Variants in CROT observed in about 807,000 individuals in gnomAD.
The protein encoded by CROT is peroxisomal carnitine O-octanoyltransferase.
CROT carries 84 observed loss-of-function variants against 89.2 expected under a neutral mutation model. That is an observed-to-expected ratio of 0.94 (90% CI 0.79 to 1.13). The LOEUF is 1.13. Among genes scored for constraint, CROT ranks in the 50% most tolerant of loss-of-function variants. The pLI is 0.00. For synonymous variants in CROT, 212 were observed against 239.5 expected (o/e 0.89, Z 1.06); for missense variants, 711 against 727.8 (o/e 0.98, Z 0.27).
chr7:87,375,508 A>T, intron 7 of CROT, 124 bp from the exon 8 acceptor site: 1 of 614,544 alleles, frequency 1.6e-6, no homozygotes, highest in Non-Finnish European at 2.8e-6. Context: ...TTGGCATCAT[A>T]AGTGGTTTCT....
intron 10 of CROT, among the ~76,000 whole-genome samples, chr7:87,379,184 TA>T (rs1431061915): frequency 1.3e-5 from 2 of 152,318 alleles, no homozygotes; most frequent in Non-Finnish European, 2.9e-5. Flanking sequence ...TGCAGTTGGT[TA>T]CCCTCTGCAT....
intron 4 of CROT, among the ~76,000 whole-genome samples, chr7:87,360,431 C>G (rs1223729555): frequency 2.0e-5 from 3 of 152,142 alleles, no homozygotes; most frequent in Non-Finnish European, 4.4e-5. Flanking sequence ...ACCTCTGCCT[C>G]CTGGGTTCAA....
chr7:87,361,986 TA>T, intron 6 of CROT, 134 bp downstream of exon 6: 1 of 744,496 alleles, frequency 1.3e-6, no homozygotes, highest in Non-Finnish European at 2.0e-6. Context: ...CTGTGAGCCT[TA>T]TATTTGAATC....
At chr7:87,390,500 A>C (rs1285469956) in intron 13 of CROT, among the ~76,000 whole-genome samples, 1 of 152,180 alleles carries the variant, frequency 6.6e-6, no homozygotes, top group African/African-American at 2.4e-5. Flanking sequence ...CTTTGAAGGG[A>C]TACCATTTCA....
chr7:87,363,843 G>T (rs1231170647), intron 6 of CROT, among the ~76,000 whole-genome samples: 2 of 152,194 alleles, frequency 1.3e-5, no homozygotes, highest in African/African-American at 4.8e-5. Context: ...ATAATGGCTT[G>T]TACTAGGATT....
chr7:87,368,210 C>T (rs1302187014), intron 6 of CROT, among the ~76,000 whole-genome samples: 2 of 152,210 alleles, frequency 1.3e-5, no homozygotes, highest in East Asian at 1.9e-4. Context: ...GGCGTACTTT[C>T]TCACTCCATT....
At chr7:87,398,408 C>G in intron 17 of CROT, 116 bp from the exon 18 acceptor site, 1 of 1,284,080 alleles carries the variant, frequency 7.8e-7, no homozygotes, top group South Asian at 1.2e-5. Context: ...TACCTAATGT[C>G]AGCAAGACTT....
intron 17 of CROT, among the ~76,000 whole-genome samples, chr7:87,394,695 A>G (rs1248097146): frequency 3.9e-5 from 6 of 152,158 alleles, no homozygotes; most frequent in Admixed American, 3.9e-4. Flanking sequence ...ATAGCAAAAA[A>G]AATGCCTTTC....
chr7:87,398,492 T>C, intron 17 of CROT, 32 bp from the exon 18 acceptor site: 1 of 1,611,698 alleles, frequency 6.2e-7, no homozygotes, highest in Non-Finnish European at 8.5e-7. Context: ...GAGCCTTTTG[T>C]GTAATCATTA....
chr7:87,371,665 C>G (rs1174431899), intron 7 of CROT, among the ~76,000 whole-genome samples: 1 of 152,098 alleles, frequency 6.6e-6, no homozygotes, highest in East Asian at 1.9e-4. Flanking sequence ...TTCTCCTAAT[C>G]ATTGTTGACA....
At chr7:87,359,816 A>G in intron 4 of CROT, 1 of 983,150 alleles carries the variant, frequency 1.0e-6, no homozygotes, top group Non-Finnish European at 1.2e-6. Context: ...GGAAGCTAGT[A>G]TAATAATTAT....
At chr7:87,356,714 T>G (rs1239756080) in intron 3 of CROT, among the ~76,000 whole-genome samples, 1 of 152,178 alleles carries the variant, frequency 6.6e-6, no homozygotes, top group African/African-American at 2.4e-5. Context: ...ATCTGAGTCC[T>G]GCAATGTTTA....
Position 87,399,518 on chromosome 7 carries a change from C to T in CROT, c.*874C>T, listed in dbSNP as rs1393276681. On this transcript the variant is annotated 3_prime_UTR_variant, in exon 18 of 18. Transcript: ENST00000331536. ...AAAATAACTCTTTTGAACAAACAGACAAATTAGCTAGTAGTATGGAGATGT... is the reference window on the plus strand; with the variant it reads ...AAAATAACTCTTTTGAACAAACAGATAAATTAGCTAGTAGTATGGAGATGT... The T allele has an allele frequency of 6.6e-6, 1 of 152,118 alleles. No homozygotes were observed. Among genetic ancestry groups the T allele is most frequent in the Non-Finnish European group, 1.5e-5 (1 of 68,010 alleles). 9.4% of individuals were successfully genotyped at this position (152,118 alleles called of 1,614,324 possible).
rs554813458 is a variant in CROT, at chr7:87,348,385, C to T, written c.-21-663C>T. On this transcript the variant is annotated intron_variant, in intron 2 of 17. Coordinates refer to ENST00000331536, the MANE Select transcript of CROT (RefSeq NM_021151.4). ...GAGACCATTCTGTGTAGACCTCATA[C>T]GACCTGTGCAATTAAAGCAGCTTGT... is the stretch of plus-strand genomic sequence containing the variant. Among the ~76,000 whole-genome samples, 23 of 152,000 alleles carry T rather than the reference C, an allele frequency of 1.5e-4. No homozygotes were observed. In the South Asian group the frequency reaches 4.4e-3, roughly 29 times the overall value.
At chr7:87,361,098 A>G (rs1262666256) in intron 4 of CROT, among the ~76,000 whole-genome samples, 4 of 151,862 alleles carry the variant, frequency 2.6e-5, no homozygotes, top group African/African-American at 9.7e-5. Context: ...CCTCTTGAGT[A>G]GCTAAGACTA....
intron 14 of CROT, 57 bp from the exon 15 acceptor site, chr7:87,392,509 T>C (rs1807395109): frequency 3.6e-6 from 5 of 1,379,138 alleles, no homozygotes; most frequent in Non-Finnish European, 3.1e-6. Flanking sequence ...TTAGGATTTT[T>C]TTCTAGTTGG....
chr7:87,359,100 C>G (rs1479644454), intron 3 of CROT, 106 bp from the exon 4 acceptor site: 1 of 783,708 alleles, frequency 1.3e-6, no homozygotes, highest in Non-Finnish European at 2.2e-6. Flanking sequence ...TAATACAGTA[C>G]TGTGTTTTAC....
chr7:87,380,143 G>T (rs570071653), intron 10 of CROT, among the ~76,000 whole-genome samples: 18 of 118,572 alleles, frequency 1.5e-4, no homozygotes, highest in African/African-American at 5.1e-4. Context: ...ATAAGCATAT[G>T]TACTGTAAAA....
At chr7:87,370,472 C>T (rs1317617579) in intron 7 of CROT, among the ~76,000 whole-genome samples, 11 of 152,142 alleles carry the variant, frequency 7.2e-5, no homozygotes, top group Admixed American at 7.2e-4. Flanking sequence ...CATGAGCCAC[C>T]ACACCCAGCC....
Sources: allele counts gnomAD v4.1 joint callset (sites outside exome capture counted in the v4.1 genomes callset), GRCh38; gene constraint gnomAD v4.1.1; transcripts MANE v1.5; gene names NCBI Gene and HGNC (gene_info 2026-07-23, HGNC 2026-07-21).